The following CFAP70 variants were observed in gnomAD, a reference collection of about 807,000 sequenced individuals.
CFAP70 encodes cilia and flagella associated protein 70, also known as cilia- and flagella-associated protein 70.
Under a neutral mutation model 137.6 loss-of-function variants are expected in CFAP70, and 81 were observed. That is an observed-to-expected ratio of 0.59 (90% CI 0.49 to 0.71). The LOEUF is 0.71. CFAP70 is among the 30% of genes least tolerant of loss of function. CFAP70 has a pLI of 0.00. For synonymous variants in CFAP70, 382 were observed against 423.6 expected, an observed-to-expected ratio of 0.90 and a Z score of 1.20; for missense variants, 976 against 1,226.7, an observed-to-expected ratio of 0.80 and a Z score of 3.05.
chr10:73,285,553 G>T (rs2047621466), intron 19 of CFAP70, among the ~76,000 whole-genome samples: 1 of 151,642 alleles, frequency 6.6e-6, no homozygotes. Context: ...ATACCAGAGA[G>T]CTAACCAGAT....
intron 14 of CFAP70, among the ~76,000 whole-genome samples, chr10:73,297,474 CATG>C (rs1222762597): frequency 6.6e-6 from 1 of 152,160 alleles, no homozygotes; most frequent in Non-Finnish European, 1.5e-5. Context: ...TTATGTCTCT[CATG>C]GTGGCCATAT....
At chr10:73,254,125 C>G (rs1044610517) in intron 26 of CFAP70, 70 bp from the exon 28 acceptor site, 5 of 1,293,408 alleles carry the variant, frequency 3.9e-6, no homozygotes, top group Non-Finnish European at 5.3e-6. Flanking sequence ...TTTGAAGACC[C>G]CTCTTTTGTG....
At chr10:73,341,699 G>A (rs1002894323) in intron 5 of CFAP70, 118 bp from the exon 7 acceptor site, 14 of 819,682 alleles carry the variant, frequency 1.7e-5, no homozygotes, top group Non-Finnish European at 1.7e-5. Flanking sequence ...ACCCCTCTAC[G>A]ATTAATCTGA....
Position 73,275,740 on chromosome 10 carries a change from G to T in CFAP70, c.2521-142C>A. ...TATCCTCAACTTCAAAAGGTAAAGG[G>T]TGAATTACAAACATTCTGCACTTCA... is the stretch of plus-strand genomic sequence containing the variant. On this transcript the variant is annotated intron_variant, in intron 21 of 26. Coordinates refer to ENST00000310715, the Ensembl canonical transcript of CFAP70. The surrounding 1 kb of genome is among the most constrained non-coding windows in gnomAD (Gnocchi z 4.0). The T allele has an allele frequency of 1.3e-6, 1 of 748,342 alleles. No individual in the cohort carries two copies. 46.4% of individuals were successfully genotyped at this position (748,342 alleles called of 1,614,324 possible). A position where few individuals can be genotyped will look rare whatever the true frequency, so the allele number is the denominator to read the frequency against.
At chr10:73,341,685 A>T (rs2053265864) in intron 5 of CFAP70, 104 bp from the exon 7 acceptor site, 3 of 963,164 alleles carry the variant, frequency 3.1e-6, no homozygotes, top group Middle Eastern at 3.0e-4. Context: ...GTGTTATCAA[A>T]CATACCCCTC....
At chr10:73,256,322 C>T (rs765916459) in intron 26 of CFAP70, 47 bp downstream of exon 27, 2 of 1,609,430 alleles carry the variant, frequency 1.2e-6, no homozygotes, top group Non-Finnish European at 1.7e-6. Context: ...CCTAATTTCC[C>T]ACCCTTAACA....
chr10:73,324,880 A>G (rs1368323283), intron 8 of CFAP70, among the ~76,000 whole-genome samples: 3 of 152,182 alleles, frequency 2.0e-5, no homozygotes, highest in Admixed American at 6.6e-5. Context: ...TGAAAGTGAC[A>G]GGGAGAATGG....
At chr10:73,283,576 C>T (rs1475138213) in intron 19 of CFAP70, among the ~76,000 whole-genome samples, 1 of 152,154 alleles carries the variant, frequency 6.6e-6, no homozygotes, top group African/African-American at 2.4e-5. Flanking sequence ...TGTTATTGTT[C>T]TTTAATGTTT....
chr10:73,265,873 A>ATTTT lies in CFAP70; in HGVS notation c.3027+3737_3027+3740dup, dbSNP rs58877464. Among the ~76,000 whole-genome samples the ATTTT allele has an allele frequency of 7.5e-3, 1,071 of 141,958 alleles. 8 individuals carry two copies. Among genetic ancestry groups the ATTTT allele is most frequent in the South Asian group, 0.025 (115 of 4,558 alleles). 93.1% of individuals were successfully genotyped at this position (141,958 alleles called of 152,430 possible). A position where few individuals can be genotyped will look rare whatever the true frequency, so the allele number is the denominator to read the frequency against. On this transcript the variant is annotated intron_variant, in intron 25 of 26. Transcript: ENST00000310715. ...CTCTTTCTTTCATACTGTCATAGCTATTTTTTTTTTTTTGGTCTTTATTCA... is the reference window on the plus strand; with the variant it reads ...CTCTTTCTTTCATACTGTCATAGCTATTTTTTTTTTTTTTTTTGGTCTTTATTCA...
chr10:73,262,135 CCA>C (rs935709380), intron 25 of CFAP70, among the ~76,000 whole-genome samples: 1 of 149,338 alleles, frequency 6.7e-6, no homozygotes, highest in Non-Finnish European at 1.5e-5. Context: ...GTTTTGCTTT[CCA>C]CACCTTCACT....
At chr10:73,339,767 A>C (rs977274617) in intron 6 of CFAP70, among the ~76,000 whole-genome samples, 1 of 152,112 alleles carries the variant, frequency 6.6e-6, no homozygotes, top group African/African-American at 2.4e-5. Flanking sequence ...GGCACCAGGG[A>C]ATGTGGTGGT....
chr10:73,341,656 C>A (rs2053263798), intron 5 of CFAP70, 75 bp from the exon 7 acceptor site: 4 of 1,292,868 alleles, frequency 3.1e-6, no homozygotes, highest in Admixed American at 2.0e-5. Flanking sequence ...ATTCAAGTGT[C>A]TTTTCAATGG....
chr10:73,282,673 T>C (rs1187365906), intron 19 of CFAP70, among the ~76,000 whole-genome samples: 1 of 152,064 alleles, frequency 6.6e-6, no homozygotes, highest in African/African-American at 2.4e-5. Context: ...AGTGCTGGGA[T>C]TACAGGTATG....
At chr10:73,341,437 G>C (rs545659428) in exon 6 of CFAP70, 1 of 1,613,918 alleles carries the variant, frequency 6.2e-7, no homozygotes, top group East Asian at 2.2e-5. Flanking sequence ...TCTTCATAGG[G>C]ACCACCAACA....
intron 9 of CFAP70, among the ~76,000 whole-genome samples, chr10:73,320,766 C>T (rs1311203636): frequency 4.0e-5 from 6 of 151,652 alleles, no homozygotes; most frequent in Admixed American, 2.0e-4. Flanking sequence ...TTCCCAGGTT[C>T]GAGCAATTCT....
chr10:73,321,982 C>T (rs2050898525), intron 9 of CFAP70, among the ~76,000 whole-genome samples: 1 of 152,076 alleles, frequency 6.6e-6, no homozygotes, highest in South Asian at 2.1e-4. Context: ...CGGGTTTTTG[C>T]CATGTTGGCC....
chr10:73,348,027 C>T (rs2053867910), intron 4 of CFAP70, 129 bp downstream of exon 5: 1 of 776,028 alleles, frequency 1.3e-6, no homozygotes, highest in African/African-American at 1.7e-5. Flanking sequence ...TTCCCAGAAT[C>T]TAACACTAAG....
chr10:73,278,071 G>T, intron 20 of CFAP70, 108 bp downstream of exon 21: 1 of 1,123,232 alleles, frequency 8.9e-7, no homozygotes, highest in Non-Finnish European at 1.3e-6. Context: ...TTCAGAGCCT[G>T]GTTATCAACT....
At chr10:73,273,408 G>A (rs1206845795) in intron 23 of CFAP70, among the ~76,000 whole-genome samples, 1 of 152,184 alleles carries the variant, frequency 6.6e-6, no homozygotes, top group East Asian at 1.9e-4. Flanking sequence ...GGACTAAAAG[G>A]TATACTTGAT....
Sources: allele counts gnomAD v4.1 joint callset (sites outside exome capture counted in the v4.1 genomes callset), GRCh38; gene constraint gnomAD v4.1.1; non-coding constraint Gnocchi (gnomAD v3.1); transcripts MANE v1.5; gene names NCBI Gene and HGNC (gene_info 2026-07-23, HGNC 2026-07-21).